PLA2R1: variants seen among roughly 807,000 people sequenced by gnomAD.
The protein encoded by PLA2R1 is phospholipase A2 receptor 1, also known as secretory phospholipase A2 receptor.
A neutral mutation model predicts 195.9 loss-of-function variants in PLA2R1; 158 were observed. The ratio of observed to expected loss-of-function variants is 0.81; its 90% CI spans 0.71 to 0.92. PLA2R1 has a LOEUF of 0.92. Among genes scored for constraint, PLA2R1 ranks in the 40% least tolerant of loss-of-function variants. PLA2R1 has a pLI of 0.00. For missense variants in PLA2R1, 1,626 were observed against 1,764.6 expected (o/e 0.92, Z 1.41); for synonymous variants, 586 against 598.2 (o/e 0.98, Z 0.30).
chr2:160,040,931 T>C (rs1350121257), intron 3 of PLA2R1, among the ~76,000 whole-genome samples: 3 of 152,342 alleles, frequency 2.0e-5, no homozygotes, highest in East Asian at 3.9e-4. Context: ...CCTCATCTAA[T>C]TGAATTGCAC....
intron 9 of PLA2R1, among the ~76,000 whole-genome samples, chr2:160,016,205 A>G (rs1692735858): frequency 6.8e-6 from 1 of 147,724 alleles, no homozygotes; most frequent in Non-Finnish European, 1.5e-5. Flanking sequence ...TGGAGGTTGC[A>G]GTGAGCTGAG....
At chr2:160,059,534 C>T (rs541961870) in intron 1 of PLA2R1, among the ~76,000 whole-genome samples, 2 of 152,240 alleles carry the variant, frequency 1.3e-5, no homozygotes, top group African/African-American at 2.4e-5. Flanking sequence ...CAGGGTCACA[C>T]GGATGGTAAA....
intron 13 of PLA2R1, 77 bp downstream of exon 13, chr2:159,983,851 G>T: frequency 3.0e-6 from 2 of 674,990 alleles, no homozygotes; most frequent in South Asian, 2.2e-5. Context: ...CAACTACTTG[G>T]GATACTCACC....
intron 1 of PLA2R1, 73 bp from the exon 2 acceptor site, chr2:160,045,230 G>A: frequency 8.4e-7 from 1 of 1,187,032 alleles, no homozygotes; most frequent in Non-Finnish European, 1.2e-6. Context: ...ATCTCAGTGT[G>A]CATATCTAAG....
chr2:159,980,539 T>C (rs1371499280), intron 13 of PLA2R1, among the ~76,000 whole-genome samples: 1 of 152,188 alleles, frequency 6.6e-6, no homozygotes, highest in Non-Finnish European at 1.5e-5. Context: ...ACAGTAGGTT[T>C]TGGGTTTTTT....
chr2:160,049,385 A>G (rs1695082519), intron 1 of PLA2R1, among the ~76,000 whole-genome samples: 1 of 152,210 alleles, frequency 6.6e-6, no homozygotes, highest in Non-Finnish European at 1.5e-5. Flanking sequence ...TCATTCAACT[A>G]GCTTTCATTG....
downstream of PLA2R1, among the ~76,000 whole-genome samples, chr2:159,930,722 C>T (rs1686569087): frequency 6.6e-6 from 1 of 152,160 alleles, no homozygotes; most frequent in Non-Finnish European, 1.5e-5. Context: ...CACCTCACCA[C>T]AGGGATGTCC....
At chr2:159,925,311 G>A in the PLA2R1 span, among the ~76,000 whole-genome samples, 4 of 152,176 alleles carry the variant, frequency 2.6e-5, no homozygotes, top group African/African-American at 9.7e-5. Flanking sequence ...GTGCGTATGT[G>A]TGTATTGACA....
intron 17 of PLA2R1, among the ~76,000 whole-genome samples, chr2:159,974,439 G>A (rs915399821): frequency 2.6e-5 from 4 of 152,102 alleles, no homozygotes; most frequent in Non-Finnish European, 4.4e-5. Context: ...ACTTATCATA[G>A]TACCTGAAAC....
intron 20 of PLA2R1, among the ~76,000 whole-genome samples, chr2:159,959,175 T>C (rs2105182576): frequency 6.6e-6 from 1 of 152,288 alleles, no homozygotes; most frequent in South Asian, 2.1e-4. Context: ...TTCTAAAGAG[T>C]GGCACATATT....
rs1298869774 is a variant in PLA2R1, at chr2:160,023,990, A to G, written c.1100-1131T>C. 3.3e-5 allele frequency among the ~76,000 whole-genome samples: 5 copies of G among 150,874 alleles called. No individual in the cohort carries two copies. The East Asian group carries it at 9.8e-4, about 30-fold the overall frequency. ...AGCAAGGGGACCCTAGCAGCCTCCA[A>G]CACCACCAGGGTCACCTACAGTTCT... On this transcript the variant is annotated intron_variant, in intron 6 of 29. Transcript: ENST00000283243.
Position 159,987,318 on chromosome 2 carries a change from T to G in PLA2R1, c.1875A>C (p.Pro625=), listed in dbSNP as rs1292119816. Residue 625 remains proline, a synonymous_variant, in exon 12 of 30, where the codon CCA becomes CCC. Transcript: ENST00000283243. ...AGTGCTTCACTTCCCAGCGACCAAG[T>G]GGATGCCTTCCTCGCATGGCAACAC... ...GGCVAMRGRH[P]LGRWEVKHCR... The G allele has an allele frequency of 6.2e-7, 1 of 1,612,250 alleles. No homozygotes were observed. Among genetic ancestry groups the G allele is most frequent in the Non-Finnish European group, 8.5e-7 (1 of 1,179,860 alleles).
chr2:160,049,007 A>G (rs958900510), intron 1 of PLA2R1, among the ~76,000 whole-genome samples: 8 of 151,200 alleles, frequency 5.3e-5, no homozygotes, highest in Non-Finnish European at 1.0e-4. Context: ...CGCCCGGCTA[A>G]TTTTTTTGTA....
At position 159,941,898 on chromosome 2, in the gene PLA2R1, G is replaced by A. The variant is rs746181323; in HGVS notation, c.4272C>T (p.Asn1424=). 26 of 1,613,308 alleles carry A rather than the reference G, an allele frequency of 1.6e-5. No individual in the cohort carries two copies. The highest frequency in any genetic ancestry group is 8.0e-5 in the African/African-American group (6 of 74,894). ...CTGCAAGTCTCCTGAAGAAGCCACC[G>A]TTATGCTTGTATATGCAGAAGGAAA... The part of the protein sequence containing the change: ...CTLSFCIYKH[N]GGFFRRLAGF... Residue 1424 remains asparagine (N), a synonymous_variant, in exon 30 of 30, where the codon AAC becomes AAT. Transcript: ENST00000283243.
Position 160,033,143 on chromosome 2 carries a change from T to A in PLA2R1, c.668-11A>T, listed in dbSNP as rs752311667. Reference sequence around the variant, plus strand: ...CTACTTCTGCAGAGGCTGGAAACAATGGCCATTAAAAACAACCAGGTCTTA... The same window carrying A: ...CTACTTCTGCAGAGGCTGGAAACAAAGGCCATTAAAAACAACCAGGTCTTA... On this transcript the variant is annotated splice_polypyrimidine_tract_variant and intron_variant, in intron 3 of 29. Transcript: ENST00000283243. 6.3e-7 allele frequency: 1 copy of A among 1,599,644 alleles called. No homozygotes were observed. Among genetic ancestry groups the A allele is most frequent in the African/African-American group, 1.3e-5 (1 of 74,234 alleles).
At chr2:159,995,452 A>G (rs1206948025) in intron 11 of PLA2R1, among the ~76,000 whole-genome samples, 1 of 152,112 alleles carries the variant, frequency 6.6e-6, no homozygotes, top group Non-Finnish European at 1.5e-5. Flanking sequence ...CTCAAAATGT[A>G]TTAATTTATT....
At chr2:160,030,540 T>C (rs1263303781) in intron 4 of PLA2R1, among the ~76,000 whole-genome samples, 2 of 152,242 alleles carry the variant, frequency 1.3e-5, no homozygotes, top group Admixed American at 6.5e-5. Context: ...CATTGTGCAA[T>C]TGTTTTAATA....
intron 23 of PLA2R1, among the ~76,000 whole-genome samples, chr2:159,953,043 T>C (rs1478024321): frequency 2.0e-5 from 3 of 152,258 alleles, no homozygotes; most frequent in African/African-American, 7.2e-5. Context: ...GTAGCTATTT[T>C]AAAATGCTAA....
intron 16 of PLA2R1, 40 bp from the exon 17 acceptor site, chr2:159,976,265 T>C (rs1330252530): frequency 4.8e-6 from 7 of 1,454,910 alleles, no homozygotes; most frequent in African/African-American, 1.4e-5. Flanking sequence ...AAATGATAAA[T>C]AGGTATGCTA....
Sources: allele counts gnomAD v4.1 joint callset (sites outside exome capture counted in the v4.1 genomes callset), GRCh38; gene constraint gnomAD v4.1.1; transcripts MANE v1.5; gene names NCBI Gene and HGNC (gene_info 2026-07-23, HGNC 2026-07-21).